The following GLIS3 variants were observed in gnomAD, a reference collection of about 807,000 sequenced individuals.
The protein encoded by GLIS3 is GLIS family zinc finger 3.
Under a neutral mutation model 78.6 loss-of-function variants are expected in GLIS3, and 53 were observed. That is an observed-to-expected ratio of 0.67 (90% confidence interval 0.54 to 0.85). The LOEUF (loss-of-function observed/expected upper bound fraction) is 0.85, where lower values mean the gene tolerates loss of function less well. GLIS3 is among the 40% of genes least tolerant of loss of function. The pLI is 0.00. For synonymous variants in GLIS3, 684 were observed against 509.9 expected, an observed-to-expected ratio of 1.34 and a Z score of -4.60; for missense variants, 1,703 against 1,231.1, an observed-to-expected ratio of 1.38 and a Z score of -5.74.
intron 2 of GLIS3, among the ~76,000 whole-genome samples, chr9:4,209,789 G>A (rs10758573): frequency 0.68 from 103,589 of 151,716 alleles, 36,392 homozygotes; most frequent in African/African-American, 0.85. Flanking sequence ...CCTGTCCACT[G>A]TCCACCAGAA....
At chr9:3,859,604 C>T (rs16919799) in intron 8 of GLIS3, among the ~76,000 whole-genome samples, 16,110 of 152,074 alleles carry the variant, frequency 0.11, 1,178 homozygotes, top group East Asian at 0.28. Context: ...GACATCACTC[C>T]CATTCATCTT....
chr9:4,085,951 G>A (rs892069080), intron 4 of GLIS3, among the ~76,000 whole-genome samples: 1 of 152,076 alleles, frequency 6.6e-6, no homozygotes, highest in Non-Finnish European at 1.5e-5. Context: ...CCAGTCCTGG[G>A]TATTTCTTTA....
chr9:4,429,176 T>C, the GLIS3 span, among the ~76,000 whole-genome samples: 1 of 152,148 alleles, frequency 6.6e-6, no homozygotes, highest in Non-Finnish European at 1.5e-5. Context: ...TAGAGTTACC[T>C]TTTCATGAAG....
At chr9:4,035,112 G>A (rs1202143521) in intron 4 of GLIS3, 22 of 152,154 alleles carry the variant, frequency 1.4e-4, no homozygotes, top group Admixed American at 1.4e-3. Flanking sequence ...ACTAGGAGTA[G>A]AAATAATCTC....
chr9:4,180,178 G>C (rs145780073), intron 2 of GLIS3, among the ~76,000 whole-genome samples: 1 of 152,196 alleles, frequency 6.6e-6, no homozygotes, highest in Admixed American at 6.5e-5. Context: ...GTTTCAGGCG[G>C]TCCATGCACA....
chr9:4,412,623 C>A, the GLIS3 span, among the ~76,000 whole-genome samples: 4 of 152,148 alleles, frequency 2.6e-5, no homozygotes, highest in Admixed American at 6.6e-5. Context: ...ATTTATTATA[C>A]TTAAATTCTG....
At chr9:4,296,497 T>C (rs575984092) in intron 1 of GLIS3, among the ~76,000 whole-genome samples, 31 of 152,234 alleles carry the variant, frequency 2.0e-4, no homozygotes, top group East Asian at 1.2e-3. Flanking sequence ...CCAATAAAGA[T>C]TGCCTTTCTT....
intron 4 of GLIS3, among the ~76,000 whole-genome samples, chr9:3,944,541 C>T (rs1816159718): frequency 6.6e-6 from 1 of 152,234 alleles, no homozygotes; most frequent in Admixed American, 6.5e-5. Context: ...AAACTGGTTG[C>T]CTGGAGGTTG....
At chr9:3,997,504 A>G (rs1021332323) in intron 4 of GLIS3, among the ~76,000 whole-genome samples, 4 of 152,144 alleles carry the variant, frequency 2.6e-5, no homozygotes, top group Non-Finnish European at 4.4e-5. Flanking sequence ...ATCCTCACTC[A>G]TGACTATACT....
At chr9:3,912,183 A>G (rs1824199902) in intron 6 of GLIS3, among the ~76,000 whole-genome samples, 1 of 152,188 alleles carries the variant, frequency 6.6e-6, no homozygotes, top group South Asian at 2.1e-4. Context: ...CTCTTGTTGC[A>G]TAAAATTAAT....
chr9:4,390,640 G>T, the GLIS3 span, among the ~76,000 whole-genome samples: 7 of 152,196 alleles, frequency 4.6e-5, no homozygotes, highest in East Asian at 1.3e-3. Context: ...TCTGAAGAGG[G>T]TGAAAAGTCA....
At chr9:4,354,964 A>T in the GLIS3 span, among the ~76,000 whole-genome samples, 1 of 151,776 alleles carries the variant, frequency 6.6e-6, no homozygotes. Context: ...AAAATACCAA[A>T]AATTACCCAG....
At chr9:4,342,493 G>T (rs889455608) in intron 2 of GLIS3, among the ~76,000 whole-genome samples, 1 of 152,060 alleles carries the variant, frequency 6.6e-6, no homozygotes, top group African/African-American at 2.4e-5. Context: ...GGGTTACTGC[G>T]GTCTTGTAGT....
chr9:4,145,876 T>A (rs1474589983), intron 2 of GLIS3, among the ~76,000 whole-genome samples: 3 of 152,104 alleles, frequency 2.0e-5, no homozygotes, highest in Non-Finnish European at 2.9e-5. Context: ...ACAATATACT[T>A]CATTTAAGCC....
chr9:4,289,298 T>C (rs556707575), intron 1 of GLIS3, among the ~76,000 whole-genome samples: 2 of 152,242 alleles, frequency 1.3e-5, no homozygotes, highest in South Asian at 2.1e-4. Flanking sequence ...AGAACACCCA[T>C]TTGCTATAAT....
intron 4 of GLIS3, among the ~76,000 whole-genome samples, chr9:4,028,294 T>C (rs1016658810): frequency 1.3e-5 from 2 of 152,222 alleles, no homozygotes; most frequent in Non-Finnish European, 2.9e-5. Flanking sequence ...AATGAGATCA[T>C]GCATTTTGTA....
chr9:4,381,966 G>C, the GLIS3 span, among the ~76,000 whole-genome samples: 3 of 152,192 alleles, frequency 2.0e-5, no homozygotes, highest in Non-Finnish European at 4.4e-5. Context: ...GCACAGGCTG[G>C]GTGGAATCCC....
chr9:4,149,361 G>C (rs1373075128), intron 2 of GLIS3, among the ~76,000 whole-genome samples: 1 of 152,134 alleles, frequency 6.6e-6, no homozygotes, highest in Non-Finnish European at 1.5e-5. Context: ...TCAAACCCCA[G>C]CTAGCCCAAC....
chr9:4,007,031 G>A (rs976718606), intron 4 of GLIS3, among the ~76,000 whole-genome samples: 8 of 152,210 alleles, frequency 5.3e-5, no homozygotes, highest in African/African-American at 1.9e-4. Context: ...AAGCATTACT[G>A]AGACTGACAC....
Sources: allele counts gnomAD v4.1 joint callset (sites outside exome capture counted in the v4.1 genomes callset), GRCh38; gene constraint gnomAD v4.1.1; transcripts MANE v1.5; gene names NCBI Gene and HGNC (gene_info 2026-07-23, HGNC 2026-07-21).